PRAMEF18: variants seen among roughly 807,000 people sequenced by gnomAD.
The protein encoded by PRAMEF18 is PRAME family member 18.
In PRAMEF18, 15 loss-of-function variants were observed where a neutral mutation model predicts 23.7. The ratio of observed to expected loss-of-function variants is 0.63; its 90% confidence interval spans 0.42 to 0.97. PRAMEF18 has a LOEUF of 0.97. PRAMEF18 is among the 50% of genes least tolerant of loss of function. The pLI is 0.00. For missense variants in PRAMEF18, 223 were observed against 418.6 expected (o/e 0.53, Z 4.08); for synonymous variants, 78 against 159.9 (o/e 0.49, Z 3.86).
chr1:13,224,970 T>A, exon 2 of PRAMEF18: 1 of 1,614,142 alleles, frequency 6.2e-7, no homozygotes, highest in Admixed American at 1.7e-5. Context: ...TGTTCTTGGC[T>A]GTCAGAGCTT....
chr1:13,225,512 A>C, intron 1 of PRAMEF18, 79 bp from the exon 2 acceptor site: 1 of 1,475,278 alleles, frequency 6.8e-7, no homozygotes, highest in Non-Finnish European at 9.2e-7. Context: ...CACATCAAGG[A>C]CTTCAGCTGC....
chr1:13,224,985 G>T (rs1553188516), exon 2 of PRAMEF18: 2 of 1,614,026 alleles, frequency 1.2e-6, no homozygotes, highest in African/African-American at 1.3e-5. Flanking sequence ...GAGCTTAGCA[G>T]GTAACGACAG....
intron 2 of PRAMEF18, chr1:13,224,646 T>G (rs878948087): frequency 2.7e-4 from 253 of 946,286 alleles, no homozygotes; most frequent in Non-Finnish European, 3.5e-4. Context: ...TCTCTGTAGC[T>G]TCTACCCCAG....
At chr1:13,224,969 C>G in exon 2 of PRAMEF18, 1 of 1,614,142 alleles carries the variant, frequency 6.2e-7, no homozygotes, top group Non-Finnish European at 8.5e-7. Context: ...CTGTTCTTGG[C>G]TGTCAGAGCT....
exon 2 of PRAMEF18, chr1:13,224,952 C>A: frequency 1.2e-6 from 2 of 1,614,108 alleles, no homozygotes; most frequent in African/African-American, 1.3e-5. Context: ...CTGAATTCAG[C>A]AACTAACTGT....
intron 1 of PRAMEF18, 81 bp from the exon 2 acceptor site, chr1:13,225,514 T>G: frequency 7.0e-7 from 1 of 1,435,800 alleles, no homozygotes; most frequent in Non-Finnish European, 9.5e-7. Context: ...CATCAAGGAC[T>G]TCAGCTGCTT....
Sources: allele counts gnomAD v4.1 joint callset, GRCh38; gene constraint gnomAD v4.1.1; transcripts MANE v1.5; gene names NCBI Gene and HGNC (gene_info 2026-07-23, HGNC 2026-07-21).